SLIT2: variants seen among roughly 807,000 people sequenced by gnomAD.
The protein encoded by SLIT2 is slit guidance ligand 2, also known as slit homolog 2 protein.
SLIT2 carries 41 observed loss-of-function variants against 185.7 expected under a neutral mutation model. The observed-to-expected ratio is 0.22, with a 90% CI of 0.17 to 0.29. The LOEUF (loss-of-function observed/expected upper bound fraction) is 0.29, where lower values mean the gene tolerates loss of function less well. Ranked by LOEUF, SLIT2 falls within the 10% of genes least tolerant of loss-of-function variation. The pLI is 1.00. For synonymous variants in SLIT2, 693 were observed against 680.2 expected, an observed-to-expected ratio of 1.02 and a Z score of -0.29; for missense variants, 1,571 against 1,909.0, an observed-to-expected ratio of 0.82 and a Z score of 3.30.
intron 26 of SLIT2, among the ~76,000 whole-genome samples, chr4:20,559,467 C>T (rs930335262): frequency 6.6e-6 from 1 of 151,904 alleles, no homozygotes; most frequent in Non-Finnish European, 1.5e-5. Context: ...ATTTGTCAAG[C>T]TATTTTGAAG....
chr4:20,462,012 G>T (rs934043409), intron 4 of SLIT2, among the ~76,000 whole-genome samples: 2 of 152,018 alleles, frequency 1.3e-5, no homozygotes, highest in African/African-American at 4.8e-5. Flanking sequence ...TTTTGGGAAT[G>T]AATTGGATAT....
At chr4:20,579,553 C>T (rs1184282458) in intron 29 of SLIT2, among the ~76,000 whole-genome samples, 1 of 152,050 alleles carries the variant, frequency 6.6e-6, no homozygotes, top group East Asian at 1.9e-4. Context: ...TCTTATTTCT[C>T]TAAATTTTCC....
At position 20,331,695 on chromosome 4, in the gene SLIT2, A is replaced by G. The variant is rs538451707; in HGVS notation, c.395+62814A>G. On this transcript the variant is annotated intron_variant, in intron 4 of 36. Coordinates refer to ENST00000504154, the MANE Select transcript of SLIT2 (RefSeq NM_004787.4). ...GAGTATGTAACTCGGTGGTTTTATT[A>G]TATTCATAGAGTTGTGTAACCATCA... 6.6e-5 allele frequency among the ~76,000 whole-genome samples: 10 copies of G among 152,200 alleles called. No homozygotes were observed. In the South Asian group the frequency reaches 1.7e-3, roughly 25 times the overall value.
chr4:20,386,292 C>G (rs1245570493), intron 4 of SLIT2, among the ~76,000 whole-genome samples: 1 of 152,200 alleles, frequency 6.6e-6, no homozygotes, highest in Admixed American at 6.5e-5. Flanking sequence ...TAATTTCCCA[C>G]AGGTATTACT....
chr4:20,527,747 A>G (rs937147117), intron 15 of SLIT2, among the ~76,000 whole-genome samples: 2 of 152,212 alleles, frequency 1.3e-5, no homozygotes, highest in Admixed American at 6.5e-5. Context: ...AATAATTCCC[A>G]TAATAAAGAA....
In SLIT2 at chr4:20,417,352, C is replaced by T. The variant is rs550231091; in HGVS notation, c.396-50400C>T. Among the ~76,000 whole-genome samples the T allele has an allele frequency of 5.2e-4, 78 of 150,886 alleles. No individual in the cohort carries two copies. In the South Asian group the frequency reaches 0.014, roughly 28 times the overall value. On this transcript the variant is annotated intron_variant, in intron 4 of 36. Transcript: ENST00000504154. The stretch of plus-strand genomic sequence containing the variant: ...TCTTCCTCTGTCAGTGACTGGAGAA[C>T]TATCTTCTTCTGACATGCCCAGCTA...
chr4:20,442,221 A>G (rs1273611266), intron 4 of SLIT2, among the ~76,000 whole-genome samples: 1 of 152,106 alleles, frequency 6.6e-6, no homozygotes, highest in Non-Finnish European at 1.5e-5. Context: ...GAGTGCGTTT[A>G]GAAAGGGGGA....
At chr4:20,360,651 A>G (rs1005235504) in intron 4 of SLIT2, among the ~76,000 whole-genome samples, 12 of 152,198 alleles carry the variant, frequency 7.9e-5, no homozygotes, top group African/African-American at 2.9e-4. Context: ...AATTGTGTAA[A>G]TTACATAAAA....
chr4:20,502,514 A>G (rs504337), intron 9 of SLIT2, among the ~76,000 whole-genome samples: 115,430 of 152,070 alleles, frequency 0.76, 44,114 homozygotes, highest in East Asian at 0.95. Context: ...CATGAGATAA[A>G]TAGTAAAATA....
chr4:20,534,836 G>A (rs550951249), intron 18 of SLIT2, among the ~76,000 whole-genome samples: 37 of 152,148 alleles, frequency 2.4e-4, no homozygotes, highest in Middle Eastern at 3.4e-3. Flanking sequence ...ATCCCCACCC[G>A]CAAAGCCCTC....
At chr4:20,366,366 T>C (rs1369221497) in intron 4 of SLIT2, among the ~76,000 whole-genome samples, 2 of 152,178 alleles carry the variant, frequency 1.3e-5, no homozygotes, top group African/African-American at 2.4e-5. Context: ...AAAATGCATA[T>C]ATCAAATGTT....
intron 4 of SLIT2, among the ~76,000 whole-genome samples, chr4:20,291,103 C>T (rs753788701): frequency 2.0e-5 from 3 of 151,694 alleles, no homozygotes; most frequent in East Asian, 1.9e-4. Context: ...GAATTTAGTT[C>T]GATATGTTTG....
chr4:20,424,308 C>T (rs1021913807), intron 4 of SLIT2, among the ~76,000 whole-genome samples: 2 of 151,988 alleles, frequency 1.3e-5, no homozygotes, highest in Non-Finnish European at 2.9e-5. Context: ...AGATTACTTA[C>T]CCATCATAAT....
chr4:20,417,062 C>G (rs1226766440), intron 4 of SLIT2, among the ~76,000 whole-genome samples: 6 of 151,132 alleles, frequency 4.0e-5, no homozygotes, highest in Non-Finnish European at 5.9e-5. Context: ...GAGCTTTCCT[C>G]TTTACTAGTC....
At chr4:20,582,096 A>G (rs977458067) in intron 29 of SLIT2, among the ~76,000 whole-genome samples, 1 of 152,148 alleles carries the variant, frequency 6.6e-6, no homozygotes, top group African/African-American at 2.4e-5. Context: ...CCCCGACTCA[A>G]AACCTTTCAG....
intron 12 of SLIT2, among the ~76,000 whole-genome samples, chr4:20,522,498 A>T (rs145284381): frequency 6.6e-6 from 1 of 152,324 alleles, no homozygotes; most frequent in East Asian, 1.9e-4. Context: ...TGACATTTTG[A>T]GGAACCCAGA....
At chr4:20,368,288 A>C (rs1723297159) in intron 4 of SLIT2, among the ~76,000 whole-genome samples, 10 of 151,240 alleles carry the variant, frequency 6.6e-5, no homozygotes, top group Admixed American at 5.9e-4. Flanking sequence ...TTTCTAACAC[A>C]GTCATCTAAC....
chr4:20,598,459 C>G (rs1018908547), intron 33 of SLIT2, 64 bp downstream of exon 33: 39 of 1,575,698 alleles, frequency 2.5e-5, no homozygotes, highest in Non-Finnish European at 3.4e-5. Flanking sequence ...TGCTTCTCCT[C>G]TATCATTTTA....
rs1715217767 is a variant in SLIT2 at position 20,472,291 on chromosome 4, T to TAG, written c.467+4469_467+4470insGA. Among the ~76,000 whole-genome samples, 10 of 29,172 alleles carry TAG rather than the reference T, an allele frequency of 3.4e-4. 1 individual carries two copies. The highest frequency in any genetic ancestry group is 2.0e-3 in the Admixed American group (3 of 1,518). The allele number at this position is 29,172 out of a possible 152,430, so 19.1% of individuals were successfully genotyped here. A position where few individuals can be genotyped will look rare whatever the true frequency, so the allele number is the denominator to read the frequency against. ...AGATATATATCTATATATATAGATA[T>TAG]ATAGATATATAGATCTATATATAGA... On this transcript the variant is annotated intron_variant, in intron 5 of 36. Transcript: ENST00000504154.
Sources: allele counts gnomAD v4.1 joint callset (sites outside exome capture counted in the v4.1 genomes callset), GRCh38; gene constraint gnomAD v4.1.1; transcripts MANE v1.5; gene names NCBI Gene and HGNC (gene_info 2026-07-23, HGNC 2026-07-21).